EIF3H: variants seen among roughly 807,000 people sequenced by gnomAD.
The protein encoded by EIF3H is eIF-3-gamma.
In EIF3H, 26 loss-of-function variants were observed where a neutral mutation model predicts 44.2. That is an observed-to-expected ratio of 0.59 (90% CI 0.43 to 0.82). EIF3H has a LOEUF of 0.82. Ranked by LOEUF, EIF3H falls within the 40% of genes least tolerant of loss-of-function variation. The probability of loss-of-function intolerance (pLI) is 0.00; values close to 1 mark genes in which losing one functional copy is unlikely to be tolerated. For synonymous variants in EIF3H, 166 were observed against 151.9 expected (o/e 1.09, Z -0.68); for missense variants, 359 against 432.8 (o/e 0.83, Z 1.51).
chr8:116,731,226 TA>T (rs1814945289), intron 1 of EIF3H, among the ~76,000 whole-genome samples: 1 of 152,172 alleles, frequency 6.6e-6, no homozygotes, highest in Admixed American at 6.5e-5. Context: ...GAGCTTTTTT[TA>T]GATAAATGAA....
chr8:116,743,243 G>T lies in EIF3H; in HGVS notation c.132+12423C>A, dbSNP rs141125395. 4.2e-3 allele frequency among the ~76,000 whole-genome samples: 642 copies of T among 152,102 alleles called. 2 individuals carry two copies. Among genetic ancestry groups the T allele is most frequent in the Admixed American group, 0.014 (207 of 15,276 alleles). On this transcript the variant is annotated intron_variant, in intron 1 of 7. Coordinates refer to ENST00000521861, the MANE Select transcript of EIF3H (RefSeq NM_003756.3). ...GGCAGGGGGATCACCTTAAGGCCAG[G>T]AGTTCAAAACCAGCCTGGTCAATAT...
intron 2 of EIF3H, among the ~76,000 whole-genome samples, chr8:116,671,894 G>A (rs1345240787): frequency 6.6e-6 from 1 of 152,198 alleles, no homozygotes; most frequent in Non-Finnish European, 1.5e-5. Context: ...GTTGCAGGCT[G>A]AGAAAACAGA....
At chr8:116,666,904 ATTG>A (rs1813679566) in intron 2 of EIF3H, among the ~76,000 whole-genome samples, 1 of 152,194 alleles carries the variant, frequency 6.6e-6, no homozygotes, top group African/African-American at 2.4e-5. Flanking sequence ...AAAAAACGTG[ATTG>A]TTGTTAACAT....
At chr8:116,662,181 T>C (rs896732010) in intron 2 of EIF3H, among the ~76,000 whole-genome samples, 16 of 152,236 alleles carry the variant, frequency 1.1e-4, no homozygotes, top group African/African-American at 3.4e-4. Flanking sequence ...AAACAATGTA[T>C]GTGTTGGGCC....
Position 116,657,290 on chromosome 8 carries a change from G to T in EIF3H, c.482C>A (p.Ser161Tyr), listed in dbSNP as rs1414157574. The part of the protein sequence containing the change: ...IYDPIKTAQG[S>Y]LSLKAYRLTP... ...CAGTCTGTATGCCTTTAGTGAGAGA[G>T]ATCCTTGGGCAGTTTTTATGGGATC... is the stretch of plus-strand genomic sequence containing the variant. The change falls in exon 4 of 8, where the codon TCT becomes TAT. Residue 161 changes from serine (S) to tyrosine (Y), a missense_variant. Physicochemically the swap from Ser to Tyr is moderately radical, Grantham distance 144 (BLOSUM62 -2). Coordinates refer to ENST00000521861, the MANE Select transcript of EIF3H (RefSeq NM_003756.3). 2 of 1,613,594 alleles carry T rather than the reference G, an allele frequency of 1.2e-6. No homozygotes were observed. Among genetic ancestry groups the T allele is most frequent in the Non-Finnish European group, 1.7e-6 (2 of 1,179,610 alleles).
At chr8:116,688,239 A>C (rs1554599779) in intron 2 of EIF3H, among the ~76,000 whole-genome samples, 4 of 152,146 alleles carry the variant, frequency 2.6e-5, no homozygotes, top group Non-Finnish European at 5.9e-5. Flanking sequence ...ATGTTGTCTT[A>C]TCTCTCTGGT....
chr8:116,716,089 T>C (rs549684813), intron 2 of EIF3H, among the ~76,000 whole-genome samples: 1 of 152,218 alleles, frequency 6.6e-6, no homozygotes, highest in African/African-American at 2.4e-5. Context: ...TTCTAGGTTT[T>C]GAATCATCCA....
chr8:116,687,071 G>A (rs1161442424), intron 2 of EIF3H, among the ~76,000 whole-genome samples: 2 of 152,110 alleles, frequency 1.3e-5, no homozygotes, highest in Non-Finnish European at 2.9e-5. Context: ...CATTACCTAG[G>A]AACAGAGGAT....
At chr8:116,685,216 C>T (rs1231099571) in intron 2 of EIF3H, among the ~76,000 whole-genome samples, 1 of 152,226 alleles carries the variant, frequency 6.6e-6, no homozygotes, top group South Asian at 2.1e-4. Flanking sequence ...CAGGAGGATA[C>T]CCTACAGAGA....
chr8:116,708,697 A>G (rs2130894332), intron 2 of EIF3H, among the ~76,000 whole-genome samples: 1 of 152,246 alleles, frequency 6.6e-6, no homozygotes, highest in African/African-American at 2.4e-5. Context: ...AGCTGAAGGG[A>G]AACTGAGAGC....
At chr8:116,668,726 C>G (rs930727510) in intron 2 of EIF3H, among the ~76,000 whole-genome samples, 3 of 150,064 alleles carry the variant, frequency 2.0e-5, no homozygotes, top group African/African-American at 7.4e-5. Context: ...ATGTGGGGGT[C>G]GTAGGGGCTG....
chr8:116,661,026 A>T lies in EIF3H; in HGVS notation c.290-2046T>A, dbSNP rs867522985. On this transcript the variant is annotated intron_variant, in intron 2 of 7. Transcript: ENST00000521861. Reference sequence around the variant, plus strand: ...TTTTATTTCTCTAGCATGTAAGAGGAACCTCACCTCCCCCCAGCTAGTTTA... The same window carrying T: ...TTTTATTTCTCTAGCATGTAAGAGGTACCTCACCTCCCCCCAGCTAGTTTA... Among the ~76,000 whole-genome samples, 11 of 152,286 alleles carry T rather than the reference A, an allele frequency of 7.2e-5. No homozygotes were observed. The South Asian group carries it at 2.1e-3, about 29-fold the overall frequency.
intron 2 of EIF3H, among the ~76,000 whole-genome samples, chr8:116,705,939 T>C (rs1814461903): frequency 6.6e-6 from 1 of 151,622 alleles, no homozygotes; most frequent in Non-Finnish European, 1.5e-5. Flanking sequence ...TCTAAAATTA[T>C]TCCAAAACAA....
At position 116,695,656 on chromosome 8, in the gene EIF3H, T is replaced by C. The variant is rs79337007; in HGVS notation, c.289+30360A>G. On this transcript the variant is annotated intron_variant, in intron 2 of 7. Transcript: ENST00000521861. ...GGAGGAATAGCACAAGGAGTCAGCA[T>C]CTGAGCAGGGTAAGGAAGGCAGGGC... Among the ~76,000 whole-genome samples the C allele has an allele frequency of 5.9e-4, 90 of 152,150 alleles. 1 individual carries two copies. The East Asian group carries it at 0.014, about 23-fold the overall frequency.
intron 2 of EIF3H, among the ~76,000 whole-genome samples, chr8:116,716,182 A>G (rs990104551): frequency 6.6e-6 from 1 of 152,208 alleles, no homozygotes; most frequent in South Asian, 2.1e-4. Context: ...TACTCAAGTG[A>G]GCAATTAAAA....
At chr8:116,729,995 T>C (rs771457445) in intron 1 of EIF3H, among the ~76,000 whole-genome samples, 1 of 152,212 alleles carries the variant, frequency 6.6e-6, no homozygotes, top group African/African-American at 2.4e-5. Context: ...ATATTTATGA[T>C]CTTGTCATTT....
At chr8:116,670,896 C>A (rs1247763166) in intron 2 of EIF3H, among the ~76,000 whole-genome samples, 1 of 152,148 alleles carries the variant, frequency 6.6e-6, no homozygotes, top group African/African-American at 2.4e-5. Context: ...TAATCTGAAG[C>A]TCATGAAGAT....
At position 116,643,909 on chromosome 8, in the gene EIF3H, A is replaced by G. The variant is rs1753634061; in HGVS notation, c.*1097T>C. ...AACAGCAAAATCTGTGATTATCTTT[A>G]AAATATAAAAATTACTAAAATATGT... On this transcript the variant is annotated 3_prime_UTR_variant, in exon 8 of 8. Transcript: ENST00000521861. 2 of 152,360 alleles carry G rather than the reference A, an allele frequency of 1.3e-5. No homozygotes were observed. Among genetic ancestry groups the G allele is most frequent in the African/African-American group, 4.8e-5 (2 of 41,578 alleles). The allele number at this position is 152,360 out of a possible 1,614,324, so 9.4% of individuals were successfully genotyped here.
chr8:116,652,182 G>C (rs1315014188), intron 5 of EIF3H, among the ~76,000 whole-genome samples: 1 of 152,176 alleles, frequency 6.6e-6, no homozygotes, highest in South Asian at 2.1e-4. Flanking sequence ...TCCTAGGAAA[G>C]GATCTCAGGA....
Sources: allele counts gnomAD v4.1 joint callset (sites outside exome capture counted in the v4.1 genomes callset), GRCh38; gene constraint gnomAD v4.1.1; transcripts MANE v1.5; gene names NCBI Gene and HGNC (gene_info 2026-07-23, HGNC 2026-07-21).